The following TJAP1 variants were observed in gnomAD, a reference collection of about 807,000 sequenced individuals.
The protein encoded by TJAP1 is tight junction associated protein 1, also known as tight junction-associated protein 1.
In TJAP1, 27 loss-of-function variants were observed where a neutral mutation model predicts 42.0. That is an observed-to-expected ratio of 0.64 (90% confidence interval 0.47 to 0.89). TJAP1 has a LOEUF of 0.89. Among genes scored for constraint, TJAP1 ranks in the 40% least tolerant of loss-of-function variants. TJAP1 has a pLI of 0.00. For synonymous variants in TJAP1, 257 were observed against 288.4 expected (o/e 0.89, Z 1.10); for missense variants, 712 against 726.9 (o/e 0.98, Z 0.24).
chr6:43,485,360 T>C (rs963182324), intron 2 of TJAP1, among the ~76,000 whole-genome samples: 3 of 152,224 alleles, frequency 2.0e-5, no homozygotes, highest in Non-Finnish European at 4.4e-5. Context: ...GATAGCTGCA[T>C]CATGATCCAT....
At chr6:43,488,059 C>G (rs542834033) in intron 2 of TJAP1, among the ~76,000 whole-genome samples, 1 of 151,922 alleles carries the variant, frequency 6.6e-6, no homozygotes, top group Non-Finnish European at 1.5e-5. Context: ...TTAGTAGAGA[C>G]GGGGGTTTCA....
intron 3 of TJAP1, among the ~76,000 whole-genome samples, 183 bp downstream of exon 3, chr6:43,498,160 A>T (rs140529877): frequency 6.6e-6 from 1 of 152,192 alleles, no homozygotes; most frequent in Non-Finnish European, 1.5e-5. Flanking sequence ...CCCACTGGGG[A>T]TCCTGGATTG....
At chr6:43,498,942 C>T in intron 3 of TJAP1, 36 bp from the exon 4 acceptor site, 1 of 1,600,808 alleles carries the variant, frequency 6.2e-7, no homozygotes, top group South Asian at 1.1e-5. Context: ...CTTCTGGCCA[C>T]ATCTCTGAGC....
chr6:43,501,758 A>T (rs6940466), intron 6 of TJAP1, 71 bp downstream of exon 6: 37,586 of 490,362 alleles, frequency 0.077, 1,352 homozygotes, highest in African/African-American at 0.15. Context: ...ACACACACAC[A>T]CTCTCTCTGT....
In TJAP1 at chr6:43,495,553, G is replaced by A. The variant is rs954996269; in HGVS notation, c.-121-2328G>A. The stretch of plus-strand genomic sequence containing the variant: ...GGCCCCCTGGTGGATTGTCTTCCCA[G>A]TGGGCATTGCCTTCTGCTTCCTTAG... On this transcript the variant is annotated intron_variant, in intron 2 of 10. Coordinates refer to ENST00000372449, the Ensembl canonical transcript of TJAP1. The surrounding 1 kb of genome is among the most constrained non-coding windows in gnomAD (Gnocchi z 4.6). Among the ~76,000 whole-genome samples, 2 of 152,190 alleles carry A rather than the reference G, an allele frequency of 1.3e-5. No homozygotes were observed. Among genetic ancestry groups the A allele is most frequent in the African/African-American group, 4.8e-5 (2 of 41,424 alleles).
chr6:43,503,184 C>T (rs1791369175), intron 8 of TJAP1: 1 of 579,488 alleles, frequency 1.7e-6, no homozygotes, highest in Admixed American at 3.0e-5. Context: ...GCCCAGGTGG[C>T]AGGAAGTCAT....
At chr6:43,481,942 A>T (rs1018101360) in intron 2 of TJAP1, among the ~76,000 whole-genome samples, 1 of 152,186 alleles carries the variant, frequency 6.6e-6, no homozygotes, top group African/African-American at 2.4e-5. Flanking sequence ...TTTCAGGGGA[A>T]TTGCGGGCTC....
intron 2 of TJAP1, among the ~76,000 whole-genome samples, chr6:43,484,316 G>A (rs755648731): frequency 2.6e-5 from 4 of 151,936 alleles, no homozygotes; most frequent in Non-Finnish European, 5.9e-5. Flanking sequence ...AAAATTAGCC[G>A]GGCATGGTGG....
At chr6:43,499,654 T>C (rs578066459) in intron 4 of TJAP1, among the ~76,000 whole-genome samples, 1 of 152,254 alleles carries the variant, frequency 6.6e-6, no homozygotes, top group South Asian at 2.1e-4. Context: ...CTGCAAAACA[T>C]TGGCTCTCCT....
At chr6:43,496,078 TG>T (rs1178355518) in intron 2 of TJAP1, among the ~76,000 whole-genome samples, 1 of 152,012 alleles carries the variant, frequency 6.6e-6, no homozygotes, top group African/African-American at 2.4e-5. Flanking sequence ...CTGAGATGAC[TG>T]GGGAGCACAT....
intron 2 of TJAP1, among the ~76,000 whole-genome samples, chr6:43,490,349 G>C (rs1324070663): frequency 1.3e-5 from 2 of 152,150 alleles, no homozygotes; most frequent in Non-Finnish European, 2.9e-5. Context: ...AGTTTCTGTT[G>C]AATCTGTGCT....
At chr6:43,506,459 C>G (rs1792385432) in exon 11 of TJAP1, 1 of 152,658 alleles carries the variant, frequency 6.6e-6, no homozygotes, top group Admixed American at 6.5e-5. Flanking sequence ...GCCTGGCCCC[C>G]ACTCCCAACC....
chr6:43,503,083 T>TA (rs1791342082), intron 8 of TJAP1: 1 of 465,854 alleles, frequency 2.1e-6, no homozygotes, highest in South Asian at 2.4e-5. Context: ...GGTTTGCAGT[T>TA]ACTGCCGTTG....
At chr6:43,501,098 C>T (rs1173591941) in intron 5 of TJAP1, 5 of 431,358 alleles carry the variant, frequency 1.2e-5, no homozygotes, top group African/African-American at 4.0e-5. Flanking sequence ...CACATGAGGC[C>T]TCTGGAGAGG....
intron 2 of TJAP1, among the ~76,000 whole-genome samples, chr6:43,496,800 G>A (rs1789274340): frequency 6.6e-6 from 1 of 152,234 alleles, no homozygotes; most frequent in Non-Finnish European, 1.5e-5. Context: ...TGCCCAGAAG[G>A]CCACCTGAGG....
rs565618081 is a variant in TJAP1, at chr6:43,495,439, G to A, written c.-121-2442G>A. ...TTTCAGAAGTTGGAGCTAGGGCCTGGGTGTTGGGCACACCCTGTGTTTATG... is the reference window on the plus strand; with the variant it reads ...TTTCAGAAGTTGGAGCTAGGGCCTGAGTGTTGGGCACACCCTGTGTTTATG... On this transcript the variant is annotated intron_variant, in intron 2 of 10. Coordinates refer to ENST00000372449, the Ensembl canonical transcript of TJAP1. The surrounding 1 kb of genome is among the most constrained non-coding windows in gnomAD (Gnocchi z 4.6). Among the ~76,000 whole-genome samples the A allele has an allele frequency of 9.8e-5, 15 of 152,298 alleles. No individual in the cohort carries two copies. Among genetic ancestry groups the A allele is most frequent in the Non-Finnish European group, 2.1e-4 (14 of 68,014 alleles).
intron 10 of TJAP1, chr6:43,504,038 A>G (rs780119109): frequency 6.2e-5 from 31 of 497,180 alleles, no homozygotes; most frequent in South Asian, 5.5e-4. Flanking sequence ...TGTTACCCCA[A>G]GGGGTAAACT....
At position 43,481,964 on chromosome 6, in the gene TJAP1, C is replaced by G. The variant is rs549290215; in HGVS notation, c.-122+3732C>G. Among the ~76,000 whole-genome samples the G allele has an allele frequency of 2.0e-4, 30 of 152,312 alleles. 2 individuals are homozygous for G. In the South Asian group the frequency reaches 6.0e-3, roughly 30 times the overall value. On this transcript the variant is annotated intron_variant, in intron 2 of 10. Coordinates refer to ENST00000372449, the Ensembl canonical transcript of TJAP1. Reference sequence around the variant, plus strand: ...GGAATTGCGGGCTCAGGACTTTGGGCTTTCCCTGGGAACTCTGCACTGGCC... The same window carrying G: ...GGAATTGCGGGCTCAGGACTTTGGGGTTTCCCTGGGAACTCTGCACTGGCC...
At chr6:43,500,015 A>G (rs1341328081) in intron 4 of TJAP1, among the ~76,000 whole-genome samples, 1 of 152,236 alleles carries the variant, frequency 6.6e-6, no homozygotes. Context: ...GTCAGAGTCA[A>G]TGGACAAAGG....
Sources: gnomAD v4.1 joint callset for allele counts (sites outside exome capture counted in the v4.1 genomes callset) on GRCh38, gnomAD v4.1.1 for gene constraint, Gnocchi (gnomAD v3.1) non-coding constraint, MANE v1.5 for transcripts, NCBI Gene and HGNC (gene_info 2026-07-23, HGNC 2026-07-21) for gene names.